CNIH3: variants seen among roughly 807,000 people sequenced by gnomAD.
The protein encoded by CNIH3 is protein cornichon homolog 3.
CNIH3 carries 14 observed loss-of-function variants against 24.1 expected under a neutral mutation model. That is an observed-to-expected ratio of 0.58 (90% CI 0.38 to 0.91). CNIH3 has a LOEUF of 0.91. CNIH3 is among the 40% of genes least tolerant of loss of function. The pLI, the probability that CNIH3 is intolerant of heterozygous loss-of-function variation, is 0.00. For missense variants in CNIH3, 178 were observed against 196.8 expected (o/e 0.90, Z 0.57); for synonymous variants, 68 against 73.8 (o/e 0.92, Z 0.40).
intron 3 of CNIH3, among the ~76,000 whole-genome samples, chr1:224,700,211 G>C (rs1253933273): frequency 1.3e-5 from 2 of 152,178 alleles, no homozygotes; most frequent in African/African-American, 4.8e-5. Context: ...CTCTTCTTCA[G>C]ACTCTTGAAT....
chr1:224,503,231 T>C (rs1021988647), intron 1 of CNIH3, among the ~76,000 whole-genome samples: 2 of 152,202 alleles, frequency 1.3e-5, no homozygotes, highest in African/African-American at 2.4e-5. Context: ...TAATTAAAAT[T>C]CCTATCAGCT....
intron 1 of CNIH3, among the ~76,000 whole-genome samples, chr1:224,482,076 A>G (rs1187894286): frequency 6.6e-6 from 1 of 152,148 alleles, no homozygotes; most frequent in Non-Finnish European, 1.5e-5. Context: ...TTAAGGCCCA[A>G]GGCTGTTCAG....
Position 224,688,700 on chromosome 1 carries a change from C to A in CNIH3, c.198+3857C>A, listed in dbSNP as rs145056177. The stretch of plus-strand genomic sequence containing the variant: ...CGGTGGCTCACATCTGTAATCCCAG[C>A]ACTTTGGGAGGCCGAGGTGGGCAGA... On this transcript the variant is annotated intron_variant, in intron 3 of 5. Coordinates refer to ENST00000272133, the MANE Select transcript of CNIH3 (RefSeq NM_152495.2). 1.2e-3 allele frequency among the ~76,000 whole-genome samples: 178 copies of A among 152,222 alleles called. 3 individuals carry two copies. The East Asian group carries it at 0.033, about 28-fold the overall frequency.
chr1:224,739,067 G>A (rs984650588), intron 5 of CNIH3, among the ~76,000 whole-genome samples: 1 of 152,144 alleles, frequency 6.6e-6, no homozygotes, highest in Non-Finnish European at 1.5e-5. Context: ...TGATGAGAAT[G>A]ATAATAGGCA....
intron 3 of CNIH3, among the ~76,000 whole-genome samples, chr1:224,600,035 G>A (rs1325646572): frequency 6.6e-6 from 1 of 151,932 alleles, no homozygotes; most frequent in Non-Finnish European, 1.5e-5. Context: ...CCAACAAGTG[G>A]GTCCATAACT....
At chr1:224,622,024 T>C (rs907657343) in intron 1 of CNIH3, among the ~76,000 whole-genome samples, 2 of 152,222 alleles carry the variant, frequency 1.3e-5, no homozygotes, top group African/African-American at 4.8e-5. Flanking sequence ...AGACATGCCT[T>C]TGCTCCTCCT....
chr1:224,524,982 C>T (rs1678788712), intron 2 of CNIH3, among the ~76,000 whole-genome samples: 1 of 152,230 alleles, frequency 6.6e-6, no homozygotes, highest in African/African-American at 2.4e-5. Flanking sequence ...AAATCTGTAG[C>T]GGTTGGGTGC....
intron 1 of CNIH3, among the ~76,000 whole-genome samples, chr1:224,440,984 T>C (rs1674884695): frequency 6.6e-6 from 1 of 151,986 alleles, no homozygotes; most frequent in African/African-American, 2.4e-5. Context: ...GCCCGGCTAA[T>C]TTTTTGTATT....
chr1:224,731,966 G>C (rs573920275), intron 4 of CNIH3, among the ~76,000 whole-genome samples: 1 of 152,350 alleles, frequency 6.6e-6, no homozygotes, highest in African/African-American at 2.4e-5. Flanking sequence ...GAAATGATTT[G>C]ATGGGGAAGG....
rs368008672 is a variant in CNIH3 at position 224,452,552 on chromosome 1, T to C, written n.203+17690T>C. Among the ~76,000 whole-genome samples, 483 of 144,320 alleles carry C rather than the reference T, an allele frequency of 3.3e-3. 1 individual carries two copies. Among genetic ancestry groups the C allele is most frequent in the African/African-American group, 9.0e-3 (351 of 39,002 alleles). The allele number at this position is 144,320 out of a possible 152,430, so 94.7% of individuals were successfully genotyped here. A position where few individuals can be genotyped will look rare whatever the true frequency, so the allele number is the denominator to read the frequency against. On this transcript the variant is annotated intron_variant and non_coding_transcript_variant, in intron 1 of 5. Transcript: ENST00000471578. ...ATCCCAGCACTTTGGGAGGCCAAGG[T>C]GGGCGGATCACAAGGTCAGGAGATT...
intron 1 of CNIH3, among the ~76,000 whole-genome samples, chr1:224,635,132 G>C (rs1436059072): frequency 6.6e-6 from 1 of 151,922 alleles, no homozygotes; most frequent in African/African-American, 2.4e-5. Context: ...GGAAGCAAGG[G>C]ACATCTTACA....
rs186252693 is a variant in CNIH3 at position 224,452,601 on chromosome 1, G to C, written n.203+17739G>C. Among the ~76,000 whole-genome samples, 1,054 of 150,932 alleles carry C rather than the reference G, an allele frequency of 7.0e-3. 9 individuals are homozygous for C. The highest frequency in any genetic ancestry group is 0.021 in the African/African-American group (850 of 41,252). On this transcript the variant is annotated intron_variant and non_coding_transcript_variant, in intron 1 of 5. Coordinates refer to the CNIH3 transcript ENST00000471578. ...TTGAGACCATCCTGGCTAACACGGT[G>C]AAACCCCGTCTCTACTAAAAATACA...
At chr1:224,591,246 C>T (rs873691), downstream of CNIH3, among the ~76,000 whole-genome samples, 15,112 of 152,224 alleles carry the variant, frequency 0.099, 882 homozygotes, top group South Asian at 0.24. Context: ...AGTTTCTCCT[C>T]TATTCCAGCC....
At position 224,730,565 on chromosome 1, in the gene CNIH3, A is replaced by G; in HGVS notation, c.302A>G (p.His101Arg). 1 of 1,549,652 alleles carries G rather than the reference A, an allele frequency of 6.5e-7. No individual in the cohort carries two copies. Among genetic ancestry groups the G allele is most frequent in the East Asian group, 2.4e-5 (1 of 41,466 alleles). Residue 101 changes from histidine to arginine, a missense_variant, in exon 4 of 6, where the codon CAC (histidine) becomes CGC (arginine). Transcript: ENST00000272133. ...CTGAATGTCCCTCTACTTTTCTATC[A>G]CTTCTGGAGGTAAGTCAGACTGGGA... ...LGLNVPLLFY[H>R]FWRYFHCPAD...
intron 2 of CNIH3, among the ~76,000 whole-genome samples, chr1:224,544,076 T>C (rs901225666): frequency 6.6e-6 from 1 of 152,106 alleles, no homozygotes; most frequent in Non-Finnish European, 1.5e-5. Flanking sequence ...AGATAAGAGG[T>C]TCTTTCTGTG....
intron 2 of CNIH3, among the ~76,000 whole-genome samples, chr1:224,536,284 CTTTTTTTTT>C (rs373201561): frequency 5.8e-5 from 5 of 86,090 alleles, no homozygotes; most frequent in East Asian, 4.0e-4. Context: ...TAATTGTTGT[CTTTTTTTTT>C]TTTTTTTTTT....
chr1:224,496,157 C>A (rs1677430072), intron 1 of CNIH3, among the ~76,000 whole-genome samples: 1 of 152,192 alleles, frequency 6.6e-6, no homozygotes, highest in Non-Finnish European at 1.5e-5. Context: ...ATGTCGTTCT[C>A]AATACCCTAG....
intron 3 of CNIH3, among the ~76,000 whole-genome samples, chr1:224,720,252 CTTT>C (rs10625559): frequency 7.0e-6 from 1 of 142,078 alleles, no homozygotes; most frequent in Non-Finnish European, 1.5e-5. Flanking sequence ...GGATAGTCAT[CTTT>C]TTTTTTTTTT....
At chr1:224,739,274 C>A in intron 5 of CNIH3, 55 bp from the exon 6 acceptor site, 1 of 1,544,568 alleles carries the variant, frequency 6.5e-7, no homozygotes, top group Non-Finnish European at 8.7e-7. Flanking sequence ...CCTCTGTGGG[C>A]TTCTACTAAC....
Sources: allele counts gnomAD v4.1 joint callset (sites outside exome capture counted in the v4.1 genomes callset), GRCh38; gene constraint gnomAD v4.1.1; transcripts MANE v1.5; gene names NCBI Gene and HGNC (gene_info 2026-07-23, HGNC 2026-07-21).